Variants in RUNX2 observed in about 807,000 individuals in gnomAD.
RUNX2 encodes RUNX family transcription factor 2.
RUNX2 carries 10 observed loss-of-function variants against 51.7 expected under a neutral mutation model. The observed-to-expected ratio is 0.19, with a 90% CI of 0.12 to 0.33. RUNX2 has a LOEUF of 0.33. RUNX2 is among the 10% of genes least tolerant of loss of function. The probability of loss-of-function intolerance (pLI) is 1.00; values close to 1 mark genes in which losing one functional copy is unlikely to be tolerated. For synonymous variants in RUNX2, 276 were observed against 273.6 expected, an observed-to-expected ratio of 1.01 and a Z score of -0.09; for missense variants, 562 against 691.3, an observed-to-expected ratio of 0.81 and a Z score of 2.10.
At chr6:45,374,690 TACTC>T (rs1191385263) in intron 2 of RUNX2, among the ~76,000 whole-genome samples, 2 of 152,168 alleles carry the variant, frequency 1.3e-5, no homozygotes, top group Admixed American at 6.5e-5. Context: ...TCAACACAAA[TACTC>T]AATCACCTGA....
chr6:45,420,196 G>C (rs573222441), intron 2 of RUNX2, among the ~76,000 whole-genome samples: 1 of 152,106 alleles, frequency 6.6e-6, no homozygotes, highest in East Asian at 1.9e-4. Flanking sequence ...TCTCTTCAGC[G>C]GGGCGATCCC....
intron 2 of RUNX2, among the ~76,000 whole-genome samples, chr6:45,412,644 C>T (rs568084861): frequency 2.0e-5 from 3 of 150,996 alleles, no homozygotes; most frequent in Non-Finnish European, 2.9e-5. Flanking sequence ...GGCCAAATAA[C>T]CTTTTTTTAA....
intron 7 of RUNX2, among the ~76,000 whole-genome samples, chr6:45,517,792 GAA>G (rs1801377980): frequency 6.6e-6 from 1 of 150,498 alleles, no homozygotes. Flanking sequence ...ACAAAATCTA[GAA>G]ATTGCCAGTG....
chr6:45,372,302 G>A (rs1282281650), intron 2 of RUNX2, among the ~76,000 whole-genome samples: 4 of 152,110 alleles, frequency 2.6e-5, no homozygotes, highest in East Asian at 1.9e-4. Context: ...TTAGTAAACC[G>A]CCTTGTACAT....
intron 5 of RUNX2, among the ~76,000 whole-genome samples, chr6:45,442,182 T>C (rs1433684210): frequency 6.6e-6 from 1 of 152,230 alleles, no homozygotes; most frequent in African/African-American, 2.4e-5. Context: ...TTAAGTAGCG[T>C]AAACATGAAA....
At chr6:45,441,753 A>T (rs980626610) in intron 5 of RUNX2, among the ~76,000 whole-genome samples, 1 of 152,200 alleles carries the variant, frequency 6.6e-6, no homozygotes, top group Non-Finnish European at 1.5e-5. Flanking sequence ...GCAGATATTC[A>T]TGCTCCTCAG....
chr6:45,354,481 T>C (rs532805150), intron 2 of RUNX2, among the ~76,000 whole-genome samples: 1 of 152,260 alleles, frequency 6.6e-6, no homozygotes, highest in East Asian at 1.9e-4. Flanking sequence ...ATCTTCTTTT[T>C]TGCTCATCTG....
intron 5 of RUNX2, among the ~76,000 whole-genome samples, chr6:45,459,739 T>C (rs1035283758): frequency 6.6e-6 from 1 of 152,200 alleles, no homozygotes; most frequent in Non-Finnish European, 1.5e-5. Flanking sequence ...TATGCAAATA[T>C]GCAGATAGTG....
At chr6:45,459,089 T>C (rs1024511677) in intron 5 of RUNX2, among the ~76,000 whole-genome samples, 1 of 152,202 alleles carries the variant, frequency 6.6e-6, no homozygotes. Flanking sequence ...CATCCCATAT[T>C]CTCTCTTTAG....
At chr6:45,541,991 T>C (rs1193191824) in intron 7 of RUNX2, among the ~76,000 whole-genome samples, 1 of 151,924 alleles carries the variant, frequency 6.6e-6, no homozygotes, top group Non-Finnish European at 1.5e-5. Context: ...TATGAAGTTC[T>C]GAAGGGGAGG....
intron 2 of RUNX2, among the ~76,000 whole-genome samples, chr6:45,407,110 T>C (rs1797851568): frequency 1.3e-5 from 2 of 152,210 alleles, no homozygotes; most frequent in South Asian, 4.1e-4. Context: ...TTCCCTCAAG[T>C]TTTATTTACT....
intron 5 of RUNX2, among the ~76,000 whole-genome samples, chr6:45,465,570 G>T (rs1280397991): frequency 5.3e-5 from 8 of 151,712 alleles, no homozygotes; most frequent in Non-Finnish European, 1.0e-4. Context: ...TTAGAAATTT[G>T]CCTTCTGGTC....
At chr6:45,342,098 AAAG>A (rs1789898876) in intron 2 of RUNX2, among the ~76,000 whole-genome samples, 2 of 152,308 alleles carry the variant, frequency 1.3e-5, no homozygotes, top group South Asian at 4.1e-4. Flanking sequence ...TGGAAGAGGC[AAAG>A]AATAAGGAAA....
intron 5 of RUNX2, among the ~76,000 whole-genome samples, chr6:45,470,170 C>T (rs1799757045): frequency 6.6e-6 from 1 of 152,150 alleles, no homozygotes; most frequent in Non-Finnish European, 1.5e-5. Flanking sequence ...TTACTATTTA[C>T]AAGAAGAAAC....
intron 7 of RUNX2, among the ~76,000 whole-genome samples, chr6:45,523,352 C>T (rs1298535649): frequency 2.6e-5 from 4 of 151,790 alleles, no homozygotes; most frequent in Non-Finnish European, 5.9e-5. Flanking sequence ...TGCAACCTCC[C>T]CCTCCCAGGT....
At chr6:45,423,162 C>T (rs1213711828) in intron 3 of RUNX2, among the ~76,000 whole-genome samples, 1 of 152,122 alleles carries the variant, frequency 6.6e-6, no homozygotes, top group Non-Finnish European at 1.5e-5. Flanking sequence ...CCCTCCCTCT[C>T]CCACCTGTGC....
At chr6:45,515,744 G>T (rs1801299604) in intron 7 of RUNX2, among the ~76,000 whole-genome samples, 1 of 152,038 alleles carries the variant, frequency 6.6e-6, no homozygotes, top group Admixed American at 6.5e-5. Flanking sequence ...TATTTACAGA[G>T]CAAAAAGCAA....
chr6:45,422,792 G>GGCA lies in RUNX2; in HGVS notation c.261_263dup (p.Ala89dup), dbSNP rs1479038878. 3.1e-5 allele frequency: 47 copies of GGCA among 1,498,358 alleles called. No homozygotes were observed. The highest frequency in any genetic ancestry group is 3.9e-5 in the Non-Finnish European group (44 of 1,131,214). The allele number at this position is 1,498,358 out of a possible 1,614,324, so 92.8% of individuals were successfully genotyped here. ...CGGCGGCGGCGGCGGCTGCGGCGGC[G>GGCA]GCAGCTGCAGTGCCCCGGTTGCGGC... On this transcript the variant is annotated inframe_insertion, in exon 3 of 9. Transcript: ENST00000647337.
intron 5 of RUNX2, among the ~76,000 whole-genome samples, chr6:45,484,385 G>A (rs1800206694): frequency 6.6e-6 from 1 of 151,992 alleles, no homozygotes; most frequent in Non-Finnish European, 1.5e-5. Context: ...GGAAGGGAGG[G>A]GCAAAGGGCT....
Sources: allele counts gnomAD v4.1 joint callset (sites outside exome capture counted in the v4.1 genomes callset), GRCh38; gene constraint gnomAD v4.1.1; transcripts MANE v1.5; gene names NCBI Gene and HGNC (gene_info 2026-07-23, HGNC 2026-07-21).